PDE4D: variants seen among roughly 807,000 people sequenced by gnomAD.
PDE4D encodes 3',5'-cyclic-AMP phosphodiesterase 4D.
In PDE4D, 24 loss-of-function variants were observed where a neutral mutation model predicts 87.4. That is an observed-to-expected ratio of 0.27 (90% CI 0.20 to 0.39). The LOEUF (loss-of-function observed/expected upper bound fraction) is 0.39, where lower values mean the gene tolerates loss of function less well. Among genes scored for constraint, PDE4D ranks in the 10% least tolerant of loss-of-function variants. The pLI is 1.00. For synonymous variants in PDE4D, 384 were observed against 383.2 expected (o/e 1.00, Z -0.02); for missense variants, 714 against 1,041.0 (o/e 0.69, Z 4.32).
At chr5:60,156,390 C>T (rs1425177404) in intron 2 of PDE4D, among the ~76,000 whole-genome samples, 1 of 152,128 alleles carries the variant, frequency 6.6e-6, no homozygotes, top group Non-Finnish European at 1.5e-5. Context: ...CATTTGAGAG[C>T]TTCCCCTAGA....
intron 1 of PDE4D, among the ~76,000 whole-genome samples, chr5:59,367,922 C>T (rs1448524891): frequency 3.9e-5 from 6 of 152,362 alleles, no homozygotes; most frequent in Admixed American, 6.5e-5. Context: ...AAATCCACTT[C>T]GTGCCAGTCT....
At chr5:60,009,570 CT>C (rs1431692823) in intron 2 of PDE4D, among the ~76,000 whole-genome samples, 1 of 151,874 alleles carries the variant, frequency 6.6e-6, no homozygotes, top group Non-Finnish European at 1.5e-5. Flanking sequence ...ATAAAAAGCA[CT>C]AAAGTAGATA....
chr5:59,393,411 T>C (rs138742859), intron 1 of PDE4D, among the ~76,000 whole-genome samples: 223 of 152,300 alleles, frequency 1.5e-3, no homozygotes, highest in African/African-American at 5.1e-3. Context: ...GGTCAAGTGG[T>C]TGGAGTGAGA....
At chr5:60,293,830 A>G (rs1372033626) in intron 1 of PDE4D, among the ~76,000 whole-genome samples, 1 of 152,056 alleles carries the variant, frequency 6.6e-6, no homozygotes, top group Non-Finnish European at 1.5e-5. Flanking sequence ...AAATTTGTTT[A>G]TTGATTCTCT....
chr5:59,048,414 G>A (rs1316310557), intron 5 of PDE4D, among the ~76,000 whole-genome samples: 2 of 152,172 alleles, frequency 1.3e-5, no homozygotes, highest in Non-Finnish European at 2.9e-5. Context: ...ATTCCTTAGA[G>A]AAAACAAGGA....
chr5:59,047,103 C>A (rs933105357), intron 5 of PDE4D, among the ~76,000 whole-genome samples: 2 of 152,182 alleles, frequency 1.3e-5, no homozygotes, highest in African/African-American at 2.4e-5. Flanking sequence ...CTAATAGATT[C>A]TTTTCCCTTC....
At chr5:59,164,658 TA>T (rs1044677655) in intron 5 of PDE4D, among the ~76,000 whole-genome samples, 3 of 152,114 alleles carry the variant, frequency 2.0e-5, no homozygotes, top group Non-Finnish European at 2.9e-5. Context: ...ATCTTTTTTT[TA>T]AAAAAATGAT....
rs868310034 is a variant in PDE4D at position 59,425,206 on chromosome 5, G to T, written c.456-209238C>A. Among the ~76,000 whole-genome samples the T allele has an allele frequency of 2.6e-5, 4 of 152,144 alleles. No individual in the cohort carries two copies. The East Asian group carries it at 5.8e-4, about 22-fold the overall frequency. On this transcript the variant is annotated intron_variant, in intron 1 of 14. Coordinates refer to ENST00000340635, the MANE Select transcript of PDE4D (RefSeq NM_001104631.2). ...ACCAGGCAAGAAAGTGTTATCTTGT[G>T]CTTACCACAAGAAAGGTAAAAGAAA... is the stretch of plus-strand genomic sequence containing the variant.
chr5:60,241,271 C>CTTTTTT (rs371953042), intron 1 of PDE4D, among the ~76,000 whole-genome samples: 3 of 96,988 alleles, frequency 3.1e-5, no homozygotes, highest in Non-Finnish European at 3.9e-5. Flanking sequence ...CTCTCTCTCT[C>CTTTTTT]TTTTTTTTTT....
At chr5:60,236,092 C>G (rs1487127902) in intron 1 of PDE4D, among the ~76,000 whole-genome samples, 1 of 151,742 alleles carries the variant, frequency 6.6e-6, no homozygotes. Context: ...ACTATTTATA[C>G]AAAAATTACT....
At chr5:59,406,063 C>A (rs1043255170) in intron 1 of PDE4D, among the ~76,000 whole-genome samples, 6 of 152,102 alleles carry the variant, frequency 3.9e-5, no homozygotes, top group Non-Finnish European at 7.4e-5. Flanking sequence ...TGTGGAAGTA[C>A]TCCCTCCTCC....
intron 1 of PDE4D, chr5:59,768,725 A>C (rs1427528632): frequency 6.0e-6 from 7 of 1,170,124 alleles, no homozygotes; most frequent in African/African-American, 1.5e-5. Flanking sequence ...TCCTCTCCCA[A>C]GCCCCTGCCA....
chr5:59,671,501 T>C (rs1167845835), intron 1 of PDE4D, among the ~76,000 whole-genome samples: 1 of 152,176 alleles, frequency 6.6e-6, no homozygotes, highest in East Asian at 1.9e-4. Flanking sequence ...TATTTCTTCA[T>C]ATTAGAAATA....
chr5:59,010,211 C>T (rs1251858962), intron 6 of PDE4D, among the ~76,000 whole-genome samples: 1 of 152,038 alleles, frequency 6.6e-6, no homozygotes, highest in Non-Finnish European at 1.5e-5. Flanking sequence ...CATGTAATCC[C>T]AGCTACTCGG....
intron 1 of PDE4D, among the ~76,000 whole-genome samples, chr5:59,661,712 C>A (rs996536389): frequency 6.6e-6 from 1 of 152,190 alleles, no homozygotes; most frequent in Non-Finnish European, 1.5e-5. Context: ...CTCACTTCTT[C>A]CTGGCCCACT....
rs577420192 is a variant in PDE4D, at chr5:59,799,681, G to T, written c.455+93487C>A. ...AATTAATTTTGTTTTGCTTTGTCTT[G>T]CTGGGGAAATTAGAAGGCTTAAACA... On this transcript the variant is annotated intron_variant, in intron 1 of 14. Transcript: ENST00000340635. 4.6e-5 allele frequency among the ~76,000 whole-genome samples: 7 copies of T among 152,288 alleles called. No homozygotes were observed. In the South Asian group the frequency reaches 1.2e-3, roughly 27 times the overall value.
At chr5:59,325,130 C>T (rs977882392) in intron 1 of PDE4D, among the ~76,000 whole-genome samples, 10 of 152,060 alleles carry the variant, frequency 6.6e-5, no homozygotes, top group Middle Eastern at 3.2e-3. Flanking sequence ...ATTCAGAAGC[C>T]TCTAGAAAAG....
At chr5:59,833,422 T>C (rs1315241573) in intron 1 of PDE4D, among the ~76,000 whole-genome samples, 4 of 151,944 alleles carry the variant, frequency 2.6e-5, no homozygotes, top group Non-Finnish European at 5.9e-5. Flanking sequence ...ATGAGTGGAT[T>C]TGAAAGAGTC....
chr5:60,471,387 G>A (rs905484270), intron 1 of PDE4D, among the ~76,000 whole-genome samples: 2 of 152,142 alleles, frequency 1.3e-5, no homozygotes, highest in Admixed American at 1.3e-4. Flanking sequence ...AACAACTAAG[G>A]ATTTAGAATA....
Sources: allele counts gnomAD v4.1 joint callset (sites outside exome capture counted in the v4.1 genomes callset), GRCh38; gene constraint gnomAD v4.1.1; transcripts MANE v1.5; gene names NCBI Gene and HGNC (gene_info 2026-07-23, HGNC 2026-07-21).